The following XPNPEP3 variants were observed in gnomAD, a reference collection of about 807,000 sequenced individuals.
XPNPEP3 encodes X-prolyl aminopeptidase 3, also known as xaa-Pro aminopeptidase 3.
XPNPEP3 carries 41 observed loss-of-function variants against 60.0 expected under a neutral mutation model. The ratio of observed to expected loss-of-function variants is 0.68; its 90% CI spans 0.53 to 0.89. The LOEUF (loss-of-function observed/expected upper bound fraction) is 0.89. Among genes scored for constraint, XPNPEP3 ranks in the 40% least tolerant of loss-of-function variants. XPNPEP3 has a pLI of 0.00. For missense variants in XPNPEP3, 598 were observed against 638.9 expected (o/e 0.94, Z 0.69); for synonymous variants, 212 against 223.2 (o/e 0.95, Z 0.45).
intron 4 of XPNPEP3, among the ~76,000 whole-genome samples, chr22:40,899,934 G>A (rs1025509756): frequency 6.6e-6 from 1 of 151,970 alleles, no homozygotes; most frequent in African/African-American, 2.4e-5. Flanking sequence ...TACTCGGGAG[G>A]CAGTCTCCCT....
chr22:40,908,803 T>C (rs2146270622), intron 5 of XPNPEP3, among the ~76,000 whole-genome samples: 1 of 152,354 alleles, frequency 6.6e-6, no homozygotes, highest in South Asian at 2.1e-4. Context: ...ATCATAGTTT[T>C]CTATCTTCTA....
At chr22:40,904,646 G>A (rs2058147518) in intron 4 of XPNPEP3, among the ~76,000 whole-genome samples, 3 of 152,188 alleles carry the variant, frequency 2.0e-5, no homozygotes, top group South Asian at 4.1e-4. Context: ...CCTCTTTTGA[G>A]TGAATGAAGC....
Position 40,924,396 on chromosome 22 carries a change from A to C in XPNPEP3, c.1271A>C (p.His424Pro). 1 of 1,614,184 alleles carries C rather than the reference A, an allele frequency of 6.2e-7. No homozygotes were observed. Among genetic ancestry groups the C allele is most frequent in the East Asian group, 2.2e-5 (1 of 44,886 alleles). The change falls in exon 9 of 10, where the codon CAC (histidine) becomes CCC (proline). Residue 424 changes from histidine to proline, a missense_variant. His to Pro is a moderately conservative substitution (Grantham distance 77). Transcript: ENST00000357137. ...AAATACTGTCCTCATCATGTTGGCC[A>C]CTACCTCGGGATGGATGTCCATGAC... The part of the protein sequence containing the change: ...ARKYCPHHVG[H>P]YLGMDVHDTP...
chr22:40,864,693 C>T (rs2057969182), intron 1 of XPNPEP3, among the ~76,000 whole-genome samples: 1 of 152,174 alleles, frequency 6.6e-6, no homozygotes, highest in African/African-American at 2.4e-5. Context: ...GATCTGCCCG[C>T]CTCAGCCTCC....
chr22:40,913,437 CAAAA>C (rs900190983), intron 6 of XPNPEP3, among the ~76,000 whole-genome samples: 10 of 79,674 alleles, frequency 1.3e-4, no homozygotes, highest in Middle Eastern at 8.3e-3. Flanking sequence ...GACTCTGTCT[CAAAA>C]AAAAAAAAAA....
intron 4 of XPNPEP3, among the ~76,000 whole-genome samples, chr22:40,893,613 C>A (rs1238846017): frequency 2.1e-5 from 3 of 142,192 alleles, no homozygotes; most frequent in Non-Finnish European, 4.6e-5. Flanking sequence ...ATTTCTTTTT[C>A]TTTTTTGTTT....
chr22:40,887,992 G>A (rs1458385185), intron 4 of XPNPEP3, among the ~76,000 whole-genome samples: 2 of 152,098 alleles, frequency 1.3e-5, no homozygotes, highest in Middle Eastern at 3.2e-3. Context: ...TTTTAAGTAT[G>A]CAAATCAATG....
At chr22:40,861,882 T>G in intron 1 of XPNPEP3, 2 of 1,614,090 alleles carry the variant, frequency 1.2e-6, no homozygotes, top group Non-Finnish European at 1.7e-6. Context: ...TTCTTCTTTA[T>G]TTTCTGGATT....
At position 40,869,896 on chromosome 22, in the gene XPNPEP3, A is replaced by G. The variant is rs151222436; in HGVS notation, c.181+781A>G. 1.9e-3 allele frequency among the ~76,000 whole-genome samples: 289 copies of G among 152,374 alleles called. 3 individuals carry two copies. Among genetic ancestry groups the G allele is most frequent in the African/African-American group, 6.8e-3 (283 of 41,590 alleles). On this transcript the variant is annotated intron_variant, in intron 2 of 9. Transcript: ENST00000357137. ...AGGAAAATTAATTGTTCTTTCTGCC[A>G]TAAGAAATTAAATATGTATTTGCCA...
chr22:40,886,165 G>T (rs747679853), intron 3 of XPNPEP3, 148 bp from the exon 4 acceptor site: 11 of 771,204 alleles, frequency 1.4e-5, no homozygotes, highest in Non-Finnish European at 2.4e-5. Context: ...TATTGCTTCA[G>T]TCCTGAGAGA....
intron 4 of XPNPEP3, among the ~76,000 whole-genome samples, chr22:40,905,035 G>A (rs1015177372): frequency 6.6e-6 from 1 of 151,310 alleles, no homozygotes; most frequent in Non-Finnish European, 1.5e-5. Context: ...TCCCAAAGTG[G>A]GATTACAGGC....
At chr22:40,889,407 C>A (rs2058081039) in intron 4 of XPNPEP3, among the ~76,000 whole-genome samples, 1 of 152,204 alleles carries the variant, frequency 6.6e-6, no homozygotes, top group Non-Finnish European at 1.5e-5. Context: ...CTGGCTAATT[C>A]TAAACCTGGA....
At chr22:40,897,958 G>C (rs1174057201) in intron 4 of XPNPEP3, among the ~76,000 whole-genome samples, 2 of 151,804 alleles carry the variant, frequency 1.3e-5, no homozygotes, top group Non-Finnish European at 2.9e-5. Flanking sequence ...TTGAGTTGTG[G>C]GAATTCCTTA....
intron 6 of XPNPEP3, among the ~76,000 whole-genome samples, chr22:40,911,237 C>T (rs2058175984): frequency 2.6e-5 from 4 of 151,980 alleles, no homozygotes; most frequent in Admixed American, 2.6e-4. Flanking sequence ...CATTTCTTAT[C>T]TTTAGCACTA....
chr22:40,874,927 T>G (rs2058021988), intron 2 of XPNPEP3, among the ~76,000 whole-genome samples: 1 of 152,162 alleles, frequency 6.6e-6, no homozygotes, highest in Non-Finnish European at 1.5e-5. Context: ...GTCCTTAAAT[T>G]CATTCACATC....
At chr22:40,871,761 G>A (rs951501287) in intron 2 of XPNPEP3, among the ~76,000 whole-genome samples, 11 of 152,190 alleles carry the variant, frequency 7.2e-5, no homozygotes, top group African/African-American at 1.2e-4. Context: ...GGGGCCAGGC[G>A]CGGTGGCTCA....
chr22:40,892,582 ATTTT>A (rs1360553430), intron 4 of XPNPEP3, among the ~76,000 whole-genome samples: 6 of 152,188 alleles, frequency 3.9e-5, no homozygotes, highest in African/African-American at 1.4e-4. Context: ...AGGCTCTCTT[ATTTT>A]GAGTGTGGGA....
chr22:40,857,432 C>T (rs1179944868), intron 1 of XPNPEP3, among the ~76,000 whole-genome samples, 187 bp downstream of exon 1: 2 of 152,186 alleles, frequency 1.3e-5, no homozygotes, highest in Non-Finnish European at 2.9e-5. Context: ...TGTTCTCTAC[C>T]GTTGAGGTAT....
At chr22:40,862,431 G>T in intron 1 of XPNPEP3, 1 of 987,858 alleles carries the variant, frequency 1.0e-6, no homozygotes, top group Non-Finnish European at 1.2e-6. Context: ...GCTCTTCTAT[G>T]CTTTGGTTTA....
Sources: allele counts gnomAD v4.1 joint callset (sites outside exome capture counted in the v4.1 genomes callset), GRCh38; gene constraint gnomAD v4.1.1; transcripts MANE v1.5; gene names NCBI Gene and HGNC (gene_info 2026-07-23, HGNC 2026-07-21).